The following DOK7 variants were observed in gnomAD, a reference collection of about 807,000 sequenced individuals.
DOK7 encodes the protein protein Dok-7.
In DOK7, 32 loss-of-function variants were observed where a neutral mutation model predicts 30.7. The observed-to-expected ratio is 1.04, with a 90% CI of 0.79 to 1.40. DOK7 has a LOEUF of 1.40. DOK7 is among the 40% of genes most tolerant of loss of function. The pLI, the probability that DOK7 is intolerant of heterozygous loss-of-function variation, is 0.00. For missense variants in DOK7, 1,007 were observed against 699.2 expected (o/e 1.44, Z -4.97); for synonymous variants, 447 against 324.1 (o/e 1.38, Z -4.07).
chr4:3,490,889 TTAA>T (rs1429813772), intron 6 of DOK7, among the ~76,000 whole-genome samples: 1 of 115,704 alleles, frequency 8.6e-6, no homozygotes, highest in African/African-American at 3.5e-5. Context: ...CTCCTGCTCA[TTAA>T]TTTCTTCCTT....
downstream of DOK7, among the ~76,000 whole-genome samples, chr4:3,495,508 A>G (rs948264501): frequency 1.2e-4 from 19 of 152,158 alleles, no homozygotes; most frequent in Non-Finnish European, 2.8e-4. Context: ...TGCGGCCGGG[A>G]CATCTGCCTC....
downstream of DOK7, among the ~76,000 whole-genome samples, chr4:3,495,797 C>A (rs1344807826): frequency 6.6e-6 from 1 of 152,126 alleles, no homozygotes. Flanking sequence ...CCTGCCCCCA[C>A]CGGGAGCAGC....
At position 3,468,176 on chromosome 4, in the gene DOK7, CTG is replaced by C. The variant is rs1453767847; in HGVS notation, c.100+4632_100+4633del. On this transcript the variant is annotated intron_variant, in intron 2 of 6. Transcript: ENST00000340083. ...CAAGTGTGTGTGTGCATGTGAATAC[CTG>C]TGTGTGGGGGTGTGTGTGCACAAGT... Among the ~76,000 whole-genome samples the C allele has an allele frequency of 3.3e-4, 48 of 143,452 alleles. 1 individual carries two copies. The highest frequency in any genetic ancestry group is 1.3e-3 in the African/African-American group (45 of 35,378). The allele number at this position is 143,452 out of a possible 152,430, so 94.1% of individuals were successfully genotyped here.
At chr4:3,476,040 C>T (rs1727032543) in intron 3 of DOK7, among the ~76,000 whole-genome samples, 1 of 152,030 alleles carries the variant, frequency 6.6e-6, no homozygotes. Flanking sequence ...GCTGCCCCCA[C>T]CTGCCCCAGC....
chr4:3,491,344 C>A (rs1277282551), intron 6 of DOK7, among the ~76,000 whole-genome samples: 1 of 49,822 alleles, frequency 2.0e-5, no homozygotes, highest in African/African-American at 6.0e-5. Context: ...CTTCCTTCTT[C>A]GCCTGCTTGT....
chr4:3,481,390 G>A (rs974650710), intron 4 of DOK7, among the ~76,000 whole-genome samples: 6 of 152,044 alleles, frequency 3.9e-5, no homozygotes, highest in African/African-American at 1.4e-4. Context: ...GTGGATTGCA[G>A]GAATGTTAAC....
chr4:3,489,707 A>T lies in DOK7; in HGVS notation c.683A>T (p.Glu228Val), dbSNP rs554429759. 1.3e-5 allele frequency: 21 copies of T among 1,564,186 alleles called. No individual in the cohort carries two copies. In the East Asian group the frequency reaches 3.3e-4, roughly 25 times the overall value. Residue 228 changes from glutamate (E) to valine (V), a missense_variant, in exon 6 of 7, where the codon GAG becomes GTG. Coordinates refer to ENST00000340083, the MANE Select transcript of DOK7 (RefSeq NM_173660.5). The part of the protein sequence containing the change: ...DPSPPGPSTV[E>V]ERVAQEALET... Reference sequence around the variant, plus strand: ...AGTCCCCCGGGACCCTCGACTGTGGAGGAGCGTGTGGCCCAGGAAGCCCTG... The same window carrying T: ...AGTCCCCCGGGACCCTCGACTGTGGTGGAGCGTGTGGCCCAGGAAGCCCTG...
At chr4:3,491,896 G>A (rs75029597) in intron 6 of DOK7, among the ~76,000 whole-genome samples, 5,670 of 152,310 alleles carry the variant, frequency 0.037, 139 homozygotes, top group Admixed American at 0.061. Context: ...GTGTTCCCAC[G>A]GCCAAGTGCA....
intron 3 of DOK7, among the ~76,000 whole-genome samples, chr4:3,474,910 TCAAAAAAACAAACA>T (rs1726976926): frequency 6.6e-6 from 1 of 152,128 alleles, no homozygotes; most frequent in East Asian, 1.9e-4. Context: ...AGACCCTGTC[TCAAAAAAACAAACA>T]CAAAAAAACT....
chr4:3,469,200 AGT>A (rs1726598678), intron 2 of DOK7, among the ~76,000 whole-genome samples: 1 of 145,234 alleles, frequency 6.9e-6, no homozygotes, highest in South Asian at 2.2e-4. Context: ...TGCATGTATG[AGT>A]GTGTGTGCCT....
downstream of DOK7, chr4:3,496,907 CG>C: frequency 3.2e-6 from 4 of 1,235,754 alleles, no homozygotes; most frequent in South Asian, 2.7e-5. Context: ...GACAGGAAGG[CG>C]GGAGTCTGGG....
chr4:3,479,946 C>T lies in DOK7; in HGVS notation c.532+3404C>T, dbSNP rs115985014. ...GGCAGGCGACGGTCTGTGGACAGCT[C>T]AGGTCTGCAGGCTCCAGCCTCACAC... On this transcript the variant is annotated intron_variant, in intron 4 of 6. Transcript: ENST00000340083. 6.7e-3 allele frequency among the ~76,000 whole-genome samples: 1,026 copies of T among 152,326 alleles called. 8 individuals are homozygous for T. Among genetic ancestry groups the T allele is most frequent in the African/African-American group, 0.023 (962 of 41,580 alleles).
At chr4:3,468,283 AGTGT>A (rs546322489) in intron 2 of DOK7, among the ~76,000 whole-genome samples, 3 of 148,874 alleles carry the variant, frequency 2.0e-5, no homozygotes, top group Non-Finnish European at 3.0e-5. Flanking sequence ...TACCTGTGGG[AGTGT>A]GTGTGCACGT....
intron 2 of DOK7, among the ~76,000 whole-genome samples, chr4:3,465,707 T>C (rs1403582127): frequency 1.3e-5 from 2 of 152,242 alleles, no homozygotes; most frequent in Non-Finnish European, 2.9e-5. Context: ...CCAGTGGACG[T>C]CGGGCCGTCT....
chr4:3,481,447 G>GA, intron 4 of DOK7, among the ~76,000 whole-genome samples: 1 of 152,062 alleles, frequency 6.6e-6, no homozygotes, highest in Admixed American at 6.5e-5. Context: ...GGAAGGGGGG[G>GA]CCTTCTAGAG....
In DOK7 at chr4:3,494,358, C is replaced by T; in HGVS notation, c.*857C>T. The stretch of plus-strand genomic sequence containing the variant: ...CCCTGGGTGGCTTCCTCTTGCACAG[C>T]CTGGAGCCTGCCCTGACCACAGCCC... On this transcript the variant is annotated 3_prime_UTR_variant, in exon 7 of 7. Coordinates refer to ENST00000340083, the MANE Select transcript of DOK7 (RefSeq NM_173660.5). 1 of 985,976 alleles carries T rather than the reference C, an allele frequency of 1.0e-6. No homozygotes were observed. The highest frequency in any genetic ancestry group is 1.2e-6 in the Non-Finnish European group (1 of 830,378). 61.1% of individuals were successfully genotyped at this position (985,976 alleles called of 1,614,324 possible).
At chr4:3,484,517 A>C (rs565461500) in intron 4 of DOK7, 1 of 985,506 alleles carries the variant, frequency 1.0e-6, no homozygotes, top group Admixed American at 6.1e-5. Flanking sequence ...CGGAGTGTCC[A>C]GCCGGGTGCA....
chr4:3,481,939 C>T (rs538250059), intron 4 of DOK7, among the ~76,000 whole-genome samples: 3 of 152,236 alleles, frequency 2.0e-5, no homozygotes, highest in East Asian at 1.9e-4. Flanking sequence ...GTTTGCCTGC[C>T]GCTCAGCAAC....
chr4:3,468,624 G>C (rs1030382996), intron 2 of DOK7, among the ~76,000 whole-genome samples: 7 of 151,142 alleles, frequency 4.6e-5, no homozygotes, highest in Non-Finnish European at 1.0e-4. Context: ...CTTTGTGTGT[G>C]CGTGTGTATA....
Sources: gnomAD v4.1 joint callset for allele counts (sites outside exome capture counted in the v4.1 genomes callset) on GRCh38, gnomAD v4.1.1 for gene constraint, MANE v1.5 for transcripts, NCBI Gene and HGNC (gene_info 2026-07-23, HGNC 2026-07-21) for gene names.